The following ADI1 variants were observed in gnomAD, a reference collection of about 807,000 sequenced individuals.
ADI1 encodes the protein acireductone dioxygenase 1, also known as acireductone dioxygenase.
In ADI1, 21 loss-of-function variants were observed where a neutral mutation model predicts 18.7. The ratio of observed to expected loss-of-function variants is 1.13; its 90% confidence interval spans 0.80 to 1.62. ADI1 has a LOEUF of 1.62. Ranked by LOEUF, ADI1 falls within the 40% of genes most tolerant of loss-of-function variation. The pLI is 0.00. For missense variants in ADI1, 245 were observed against 254.9 expected (o/e 0.96, Z 0.26); for synonymous variants, 90 against 100.1 (o/e 0.90, Z 0.60).
intron 2 of ADI1, 34 bp downstream of exon 2, chr2:3,513,823 T>A: frequency 6.4e-7 from 1 of 1,572,836 alleles, no homozygotes; most frequent in South Asian, 1.2e-5. Flanking sequence ...AATATAATGA[T>A]ACTTCTTTTC....
At chr2:3,517,447 C>A (rs1667433984) in intron 1 of ADI1, 1 of 152,162 alleles carries the variant, frequency 6.6e-6, no homozygotes, top group African/African-American at 2.4e-5. Context: ...TGTCTTCCAA[C>A]AGCACTGATC....
intron 2 of ADI1, among the ~76,000 whole-genome samples, chr2:3,503,201 G>A (rs1344132284): frequency 1.4e-5 from 2 of 144,374 alleles, no homozygotes; most frequent in African/African-American, 5.4e-5. Flanking sequence ...ATACATGCAT[G>A]CATTCACACA....
chr2:3,498,975 T>C lies in ADI1; in HGVS notation c.528A>G (p.Ala176=), dbSNP rs986880427. 6.2e-6 allele frequency: 10 copies of C among 1,612,538 alleles called. No individual in the cohort carries two copies. Among genetic ancestry groups the C allele is most frequent in the Non-Finnish European group, 8.5e-6 (10 of 1,178,788 alleles). The change falls in exon 4 of 4, where the codon GCA becomes GCG. Residue 176 remains alanine (A), a synonymous_variant. Coordinates refer to ENST00000327435, the MANE Select transcript of ADI1 (RefSeq NM_018269.4). ...CCAGGCAGCACTGCTAGGCGGTCTGTGCCAGAAATTTCACGTACTGCCCGC... is the reference window on the plus strand; with the variant it reads ...CCAGGCAGCACTGCTAGGCGGTCTGCGCCAGAAATTTCACGTACTGCCCGC... ...EARGQYVKFL[A]QTA is the part of the protein sequence containing the mutation.
intron 1 of ADI1, chr2:3,517,394 G>A (rs1411056604): frequency 6.6e-6 from 1 of 152,122 alleles, no homozygotes; most frequent in Admixed American, 6.6e-5. Flanking sequence ...CACAAATCAA[G>A]AATAAAAGCT....
At chr2:3,519,306 C>T in intron 1 of ADI1, 62 bp downstream of exon 1, 4 of 1,338,510 alleles carry the variant, frequency 3.0e-6, no homozygotes, top group Non-Finnish European at 3.8e-6. Context: ...GGAGGCTGGG[C>T]TGTGCGCGGC....
At position 3,500,876 on chromosome 2, in the gene ADI1, C is replaced by T. The variant is rs1305884924; in HGVS notation, c.358G>A (p.Glu120Lys). 6.2e-7 allele frequency: 1 copy of T among 1,614,116 alleles called. No homozygotes were observed. The highest frequency in any genetic ancestry group is 8.5e-7 in the Non-Finnish European group (1 of 1,180,048). The change falls in exon 3 of 4, where the codon GAG becomes AAG. Residue 120 changes from glutamate to lysine, a missense_variant. Physicochemically the swap from Glu to Lys is moderately conservative, Grantham distance 56. Coordinates refer to ENST00000327435, the MANE Select transcript of ADI1 (RefSeq NM_018269.4). ...KEDQWIRIFMEKGDMVTLPAG... is the reference protein window; with the variant it reads ...KEDQWIRIFMKKGDMVTLPAG... ...GGGAGCGTCACCATGTCTCCCTTCT[C>T]CATGAAGATCCGGATCCACTGGTCC...
chr2:3,506,233 C>T (rs1293594374), intron 2 of ADI1, among the ~76,000 whole-genome samples: 2 of 152,172 alleles, frequency 1.3e-5, no homozygotes, highest in Non-Finnish European at 2.9e-5. Flanking sequence ...ATAAGGCATA[C>T]TGATTAGAAA....
At position 3,519,472 on chromosome 2, in the gene ADI1, AC is replaced by A; in HGVS notation, c.15del (p.Trp5CysfsTer48). 7.4e-7 allele frequency: 1 copy of A among 1,349,780 alleles called. No homozygotes were observed. Among genetic ancestry groups the A allele is most frequent in the Non-Finnish European group, 9.5e-7 (1 of 1,053,292 alleles). 83.6% of individuals were successfully genotyped at this position (1,349,780 alleles called of 1,614,324 possible). MVQA[W>X]YMDDAPGDPR... The stretch of plus-strand genomic sequence containing the variant: ...GGGTCGCCCGGGGCGTCGTCCATAT[AC>A]CAGGCCTGCACCATGACGCGCAGTG... On this transcript the variant is annotated frameshift_variant, in exon 1 of 4. Transcript: ENST00000327435. LOFTEE classifies it high-confidence loss of function.
At chr2:3,516,493 A>G (rs1667413663) in intron 1 of ADI1, 1 of 156,248 alleles carries the variant, frequency 6.4e-6, no homozygotes, top group Non-Finnish European at 1.4e-5. Flanking sequence ...AAAAAAAAAA[A>G]AAAAAGAGCA....
chr2:3,509,684 C>G (rs1021060146), intron 2 of ADI1, among the ~76,000 whole-genome samples: 1 of 151,930 alleles, frequency 6.6e-6, no homozygotes, highest in East Asian at 1.9e-4. Context: ...TGTGAAGCCA[C>G]TAAAGCAGTA....
chr2:3,504,719 C>T (rs1381460895), intron 2 of ADI1, among the ~76,000 whole-genome samples: 3 of 152,150 alleles, frequency 2.0e-5, no homozygotes, highest in Middle Eastern at 3.4e-3. Context: ...ATTGTCTGTT[C>T]GCCTGCGTAT....
At chr2:3,507,919 T>C (rs1238709649) in intron 2 of ADI1, among the ~76,000 whole-genome samples, 3 of 152,040 alleles carry the variant, frequency 2.0e-5, no homozygotes, top group Non-Finnish European at 2.9e-5. Flanking sequence ...GGTAAATGTA[T>C]ACTGTAAACT....
intron 2 of ADI1, among the ~76,000 whole-genome samples, chr2:3,511,552 T>C (rs546852473): frequency 6.6e-6 from 1 of 152,318 alleles, no homozygotes; most frequent in South Asian, 2.1e-4. Context: ...CTGCAGATTA[T>C]AAATTTTCTT....
chr2:3,497,801 G>A lies in ADI1; in HGVS notation c.*1162C>T, dbSNP rs1558422631. 2 of 152,190 alleles carry A rather than the reference G, an allele frequency of 1.3e-5. No individual in the cohort carries two copies. Among genetic ancestry groups the A allele is most frequent in the Non-Finnish European group, 2.9e-5 (2 of 68,042 alleles). The allele number at this position is 152,190 out of a possible 1,614,324, so 9.4% of individuals were successfully genotyped here. ...ACACTAAGGATCCTGACAGGGAAAA[G>A]TTATATGAAGCAAGAAAGGCAATTT... On this transcript the variant is annotated 3_prime_UTR_variant, in exon 4 of 4. Coordinates refer to ENST00000327435, the MANE Select transcript of ADI1 (RefSeq NM_018269.4).
rs112209496 is a variant in ADI1 at position 3,513,980 on chromosome 2, A to C, written c.121-4T>G. ...TCTCATATTTGTCAGCATCCAGCTAAAAGAGTTAACCCACCAAAAACAAGA... is the reference window on the plus strand; with the variant it reads ...TCTCATATTTGTCAGCATCCAGCTACAAGAGTTAACCCACCAAAAACAAGA... On this transcript the variant is annotated splice_region_variant and splice_polypyrimidine_tract_variant and intron_variant, in intron 1 of 3. Coordinates refer to ENST00000327435, the MANE Select transcript of ADI1 (RefSeq NM_018269.4). 3.8e-3 allele frequency: 6,095 copies of C among 1,598,088 alleles called. 141 individuals carry two copies. The African/African-American group carries it at 0.057, about 15-fold the overall frequency.
chr2:3,499,323 T>C (rs1666941609), intron 3 of ADI1, among the ~76,000 whole-genome samples: 1 of 152,114 alleles, frequency 6.6e-6, no homozygotes, highest in Non-Finnish European at 1.5e-5. Context: ...TGAGGCTTGG[T>C]GTTGAACTCC....
intron 2 of ADI1, among the ~76,000 whole-genome samples, chr2:3,509,490 C>A (rs1667249687): frequency 1.3e-5 from 2 of 151,692 alleles, no homozygotes; most frequent in South Asian, 4.2e-4. Context: ...TCTGACTACA[C>A]CAGAAATAAA....
intron 2 of ADI1, among the ~76,000 whole-genome samples, chr2:3,504,337 C>T (rs1260373806): frequency 5.3e-5 from 8 of 152,164 alleles, no homozygotes; most frequent in Non-Finnish European, 1.2e-4. Flanking sequence ...GGGTTTTATA[C>T]CAGGAGAGAA....
intron 3 of ADI1, 78 bp downstream of exon 3, chr2:3,500,736 G>A (rs570320632): frequency 3.9e-5 from 62 of 1,595,076 alleles, no homozygotes; most frequent in Non-Finnish European, 2.7e-5. Flanking sequence ...TGCGGAAGCC[G>A]CGCAGTTCAG....
Sources: gnomAD v4.1 joint callset for allele counts (sites outside exome capture counted in the v4.1 genomes callset) on GRCh38, gnomAD v4.1.1 for gene constraint, MANE v1.5 for transcripts, NCBI Gene and HGNC (gene_info 2026-07-23, HGNC 2026-07-21) for gene names.